ZNF207: variants seen among roughly 807,000 people sequenced by gnomAD.
ZNF207 encodes the protein BUB3-interacting and GLEBS motif-containing protein ZNF207.
ZNF207 carries 24 observed loss-of-function variants against 60.2 expected under a neutral mutation model. That is an observed-to-expected ratio of 0.40 (90% CI 0.29 to 0.56). ZNF207 has a LOEUF of 0.56. Among genes scored for constraint, ZNF207 ranks in the 20% least tolerant of loss-of-function variants. ZNF207 has a pLI of 0.49. For missense variants in ZNF207, 452 were observed against 636.6 expected, an observed-to-expected ratio of 0.71 and a Z score of 3.12; for synonymous variants, 236 against 194.7, an observed-to-expected ratio of 1.21 and a Z score of -1.77.
At chr17:32,367,259 A>ATGTATATATATATG (rs1567824866) in intron 9 of ZNF207, among the ~76,000 whole-genome samples, 1 of 109,904 alleles carries the variant, frequency 9.1e-6, no homozygotes, top group African/African-American at 3.8e-5. Context: ...ATATATATAT[A>ATGTATATATATATG]TATATATATA....
At position 32,377,413 on chromosome 17, in the gene ZNF207, A is replaced by G. The variant is rs912501555; in HGVS notation, c.*7654A>G. ...CAGTTACTGTAAGTCTGAGTTAGAA[A>G]AAATACAGAGCATCTAGTTATTGAG... is the stretch of plus-strand genomic sequence containing the variant. On this transcript the variant is annotated 3_prime_UTR_variant, in exon 12 of 12. Transcript: ENST00000394670. The G allele has an allele frequency of 2.0e-5, 3 of 152,004 alleles. No individual in the cohort carries two copies. The highest frequency in any genetic ancestry group is 4.4e-5 in the Non-Finnish European group (3 of 67,878). 9.4% of individuals were successfully genotyped at this position (152,004 alleles called of 1,614,324 possible). A position where few individuals can be genotyped will look rare whatever the true frequency, so the allele number is the denominator to read the frequency against.
intron 3 of ZNF207, among the ~76,000 whole-genome samples, chr17:32,360,301 A>G (rs1185072134): frequency 6.6e-6 from 1 of 151,762 alleles, no homozygotes; most frequent in East Asian, 1.9e-4. Context: ...AGTGAGCTGC[A>G]GTCGTGCCAC....
Position 32,354,231 on chromosome 17 carries a change from C to T in ZNF207, c.168+2319C>T, listed in dbSNP as rs184023692. Reference sequence around the variant, plus strand: ...CCCAGGATCAATCGATTCTCCCACTCGGCCTCCCAAAGTGCTGGAATTACA... The same window carrying T: ...CCCAGGATCAATCGATTCTCCCACTTGGCCTCCCAAAGTGCTGGAATTACA... On this transcript the variant is annotated intron_variant, in intron 2 of 11. Transcript: ENST00000394670. Among the ~76,000 whole-genome samples the T allele has an allele frequency of 2.4e-4, 36 of 152,306 alleles. No homozygotes were observed. The East Asian group carries it at 5.4e-3, about 23-fold the overall frequency.
At chr17:32,367,746 C>T (rs1905270211) in intron 9 of ZNF207, 26 bp from the exon 10 acceptor site, 11 of 1,608,020 alleles carry the variant, frequency 6.8e-6, no homozygotes, top group South Asian at 1.1e-5. Context: ...TTTGAAGTTT[C>T]GTTGATGAAG....
chr17:32,353,702 G>A (rs575124361), intron 2 of ZNF207, among the ~76,000 whole-genome samples: 4 of 150,084 alleles, frequency 2.7e-5, no homozygotes, highest in African/African-American at 7.4e-5. Context: ...GGCGGGGGGC[G>A]CGAGGCGGGT....
chr17:32,361,392 AG>A, intron 5 of ZNF207, 75 bp from the exon 6 acceptor site: 2 of 1,222,644 alleles, frequency 1.6e-6, no homozygotes, highest in Non-Finnish European at 2.3e-6. Context: ...GTTGGATGTG[AG>A]AGGTATACAA....
chr17:32,369,592 A>C lies in ZNF207; in HGVS notation c.1325-7A>C. ...TATTTTTTTGTGTTTGAAATTCTTG[A>C]TTTTAGGTCAGTATGGTGGTCATCA... On this transcript the variant is annotated splice_region_variant and splice_polypyrimidine_tract_variant and intron_variant, in intron 11 of 11. Transcript: ENST00000394670. The C allele has an allele frequency of 6.4e-7, 1 of 1,562,254 alleles. No individual in the cohort carries two copies. The highest frequency in any genetic ancestry group is 8.7e-7 in the Non-Finnish European group (1 of 1,152,900).
chr17:32,372,195 G>C lies in ZNF207; in HGVS notation c.*2436G>C, dbSNP rs1208096316. ...GATGCCTGTAGTCCCAACTACTCTG[G>C]AGACCGAGGCAGGAGAATGGCGTGA... On this transcript the variant is annotated 3_prime_UTR_variant, in exon 12 of 12. Transcript: ENST00000394670. 6.6e-6 allele frequency: 1 copy of C among 152,224 alleles called. No homozygotes were observed. Among genetic ancestry groups the C allele is most frequent in the East Asian group, 1.9e-4 (1 of 5,194 alleles). The allele number at this position is 152,224 out of a possible 1,614,324, so 9.4% of individuals were successfully genotyped here.
chr17:32,360,311 C>T (rs1281214790), intron 3 of ZNF207, among the ~76,000 whole-genome samples: 3 of 151,994 alleles, frequency 2.0e-5, no homozygotes, highest in African/African-American at 4.8e-5. Context: ...AGTCGTGCCA[C>T]TGCTGTACAG....
intron 10 of ZNF207, among the ~76,000 whole-genome samples, chr17:32,368,585 G>A (rs942628115): frequency 5.9e-5 from 9 of 152,008 alleles, no homozygotes; most frequent in African/African-American, 2.2e-4. Flanking sequence ...CAGCTACTCG[G>A]GAGGCTGAGG....
chr17:32,379,914 A>G lies in ZNF207; in HGVS notation c.*10155A>G, dbSNP rs777802625. The G allele has an allele frequency of 6.6e-6, 1 of 152,174 alleles. No individual in the cohort carries two copies. Among genetic ancestry groups the G allele is most frequent in the Non-Finnish European group, 1.5e-5 (1 of 68,012 alleles). The allele number at this position is 152,174 out of a possible 1,614,324, so 9.4% of individuals were successfully genotyped here. ...CCTCTAGTTTTTAACTATATCCTAG[A>G]TTAAAACCAGCATATGCTAAGAATG... On this transcript the variant is annotated 3_prime_UTR_variant, in exon 12 of 12. Transcript: ENST00000394670.
At chr17:32,362,867 T>C (rs1246665844) in intron 6 of ZNF207, 47 bp from the exon 7 acceptor site, 2 of 1,546,218 alleles carry the variant, frequency 1.3e-6, no homozygotes, top group Non-Finnish European at 1.8e-6. Flanking sequence ...TTTAATGGTT[T>C]ATGCTGTTCA....
intron 1 of ZNF207, among the ~76,000 whole-genome samples, chr17:32,350,750 T>C (rs2041488074): frequency 6.6e-6 from 1 of 152,132 alleles, no homozygotes. Flanking sequence ...ACTTTTTCTG[T>C]TTTTATTTAC....
rs1567810752 is a variant in ZNF207 at position 32,351,930 on chromosome 17, G to A, written c.168+18G>A. On this transcript the variant is annotated intron_variant, in intron 2 of 11. Coordinates refer to ENST00000394670, the MANE Select transcript of ZNF207 (RefSeq NM_001098507.2). ...GCATGCAGGTAAGGATTTTTCTTCT[G>A]TATTTATTGTCCGCTTGTGATTTGG... 1.3e-6 allele frequency: 2 copies of A among 1,510,936 alleles called. No homozygotes were observed. The highest frequency in any genetic ancestry group is 8.9e-7 in the Non-Finnish European group (1 of 1,127,448). 93.6% of individuals were successfully genotyped at this position (1,510,936 alleles called of 1,614,324 possible).
chr17:32,369,656 C>A lies in ZNF207; in HGVS notation c.1382C>A (p.Pro461Gln), dbSNP rs760182750. 2.5e-6 allele frequency: 4 copies of A among 1,594,284 alleles called. No individual in the cohort carries two copies. The highest frequency in any genetic ancestry group is 1.7e-6 in the Non-Finnish European group (2 of 1,170,062). Reference sequence around the variant, plus strand: ...GGATACCTTCCTGGTGCTATGCCCCCGTATGGGCAGGGACCGCCAATGGTG... The same window carrying A: ...GGATACCTTCCTGGTGCTATGCCCCAGTATGGGCAGGGACCGCCAATGGTG... ...MPGYLPGAMP[P>Q]YGQGPPMVPP... Residue 461 changes from proline (P) to glutamine (Q), a missense_variant, in exon 12 of 12, where the codon CCG becomes CAG. Physicochemically the swap from Pro to Gln is moderately conservative, Grantham distance 76. This residue lies in a region of ZNF207 where 390 missense variants were observed against 461.4 expected (regional missense o/e 0.85). Transcript: ENST00000394670.
chr17:32,366,790 A>C lies in ZNF207; in HGVS notation c.921+33A>C, dbSNP rs367790385. 2.3e-4 allele frequency: 359 copies of C among 1,567,748 alleles called. 2 individuals are homozygous for C. In the African/African-American group the frequency reaches 4.3e-3, roughly 19 times the overall value. On this transcript the variant is annotated intron_variant, in intron 9 of 11. Coordinates refer to ENST00000394670, the MANE Select transcript of ZNF207 (RefSeq NM_001098507.2). ...GGAAGTTGCAGTTTAAAATTGTTAA[A>C]ATGGCTTTATAACTTAACCCTTTGG...
chr17:32,359,215 C>G (rs923202384), intron 3 of ZNF207, among the ~76,000 whole-genome samples: 2 of 152,168 alleles, frequency 1.3e-5, no homozygotes, highest in African/African-American at 4.8e-5. Flanking sequence ...CAGGTTCAAG[C>G]AATTCTCCTG....
At position 32,374,978 on chromosome 17, in the gene ZNF207, AT is replaced by A. The variant is rs998086653; in HGVS notation, c.*5221del. On this transcript the variant is annotated 3_prime_UTR_variant, in exon 12 of 12. Coordinates refer to ENST00000394670, the MANE Select transcript of ZNF207 (RefSeq NM_001098507.2). ...GTTTGTTGTAGGGAATAATTAGGGA[AT>A]TGGAAGAGAGGCCAAAAACAAACCT... The A allele has an allele frequency of 6.6e-6, 1 of 152,196 alleles. No individual in the cohort carries two copies. The highest frequency in any genetic ancestry group is 2.4e-5 in the African/African-American group (1 of 41,446). 9.4% of individuals were successfully genotyped at this position (152,196 alleles called of 1,614,324 possible).
chr17:32,355,553 C>A (rs1284341600), intron 2 of ZNF207, among the ~76,000 whole-genome samples: 20 of 152,116 alleles, frequency 1.3e-4, no homozygotes, highest in Admixed American at 1.3e-3. Flanking sequence ...ATGTACAAGT[C>A]AGGAGTTCAT....
Sources: gnomAD v4.1 joint callset for allele counts (sites outside exome capture counted in the v4.1 genomes callset) on GRCh38, gnomAD v4.1.1 for gene constraint, gnomAD v4.1.1 regional missense constraint, MANE v1.5 for transcripts, NCBI Gene and HGNC (gene_info 2026-07-23, HGNC 2026-07-21) for gene names.